Variants in SH3PXD2A observed in about 807,000 individuals in gnomAD.
The protein encoded by SH3PXD2A is SH3 and PX domains 2A, also known as SH3 and PX domain-containing protein 2A.
A neutral mutation model predicts 115.2 loss-of-function variants in SH3PXD2A; 32 were observed. That is an observed-to-expected ratio of 0.28 (90% confidence interval 0.21 to 0.37). The LOEUF is 0.37. Ranked by LOEUF, SH3PXD2A falls within the 10% of genes least tolerant of loss-of-function variation. The pLI is 1.00. For synonymous variants in SH3PXD2A, 610 were observed against 629.1 expected, an observed-to-expected ratio of 0.97 and a Z score of 0.45; for missense variants, 1,328 against 1,498.7, an observed-to-expected ratio of 0.89 and a Z score of 1.88.
At chr10:103,758,421 T>C (rs10466138) in intron 3 of SH3PXD2A, among the ~76,000 whole-genome samples, 59,904 of 151,980 alleles carry the variant, frequency 0.39, 11,791 homozygotes, top group Middle Eastern at 0.45. Flanking sequence ...CCACATGACC[T>C]GGTTATTTTT....
intron 5 of SH3PXD2A, among the ~76,000 whole-genome samples, chr10:103,712,560 G>C (rs2038058840): frequency 6.6e-6 from 1 of 152,226 alleles, no homozygotes; most frequent in Non-Finnish European, 1.5e-5. Flanking sequence ...GAGGCTGGGG[G>C]AAGGGTCTCA....
chr10:103,752,641 C>A (rs749389024), intron 3 of SH3PXD2A, among the ~76,000 whole-genome samples: 1 of 152,162 alleles, frequency 6.6e-6, no homozygotes, highest in African/African-American at 2.4e-5. Flanking sequence ...TAAAACCCTG[C>A]GACTTTTCCT....
intron 8 of SH3PXD2A, among the ~76,000 whole-genome samples, chr10:103,650,933 C>G (rs1250526328): frequency 2.0e-5 from 3 of 152,254 alleles, no homozygotes; most frequent in Non-Finnish European, 4.4e-5. Context: ...CACCCCAGTG[C>G]TGGCCATGCC....
At chr10:103,630,912 G>A (rs1297169284) in intron 8 of SH3PXD2A, among the ~76,000 whole-genome samples, 1 of 152,068 alleles carries the variant, frequency 6.6e-6, no homozygotes, top group African/African-American at 2.4e-5. Context: ...TTTACCTTAC[G>A]GTAATCCCCC....
At chr10:103,728,452 C>T (rs2038269586) in intron 4 of SH3PXD2A, among the ~76,000 whole-genome samples, 1 of 152,196 alleles carries the variant, frequency 6.6e-6, no homozygotes, top group Non-Finnish European at 1.5e-5. Flanking sequence ...TCCAGTTCTG[C>T]AGTTATATAC....
At position 103,719,978 on chromosome 10, in the gene SH3PXD2A, C is replaced by A. The variant is rs193007726; in HGVS notation, c.398+4292G>T. Among the ~76,000 whole-genome samples the A allele has an allele frequency of 3.2e-3, 492 of 152,294 alleles. 1 individual carries two copies. Among genetic ancestry groups the A allele is most frequent in the Middle Eastern group, 0.014 (4 of 294 alleles). On this transcript the variant is annotated intron_variant, in intron 5 of 14. Coordinates refer to ENST00000369774, the MANE Select transcript of SH3PXD2A (RefSeq NM_001394015.1). ...CAGGTGATCCACCCGCCTTGGGCTCCCAAAGTGCTGGGATTACAGGCGTGA... is the reference window on the plus strand; with the variant it reads ...CAGGTGATCCACCCGCCTTGGGCTCACAAAGTGCTGGGATTACAGGCGTGA...
Position 103,594,137 on chromosome 10 carries a change from AC to A in SH3PXD2A, c.*7678del, listed in dbSNP as rs1173901366. 1 of 152,666 alleles carries A rather than the reference AC, an allele frequency of 6.6e-6. No homozygotes were observed. The highest frequency in any genetic ancestry group is 1.5e-5 in the Non-Finnish European group (1 of 68,062). 9.5% of individuals were successfully genotyped at this position (152,666 alleles called of 1,614,324 possible). A position where few individuals can be genotyped will look rare whatever the true frequency, so the allele number is the denominator to read the frequency against. On this transcript the variant is annotated 3_prime_UTR_variant, in exon 15 of 15. Transcript: ENST00000369774. The stretch of plus-strand genomic sequence containing the variant: ...TCTTACAGTCTAGAAGCATGCCAAG[AC>A]AGAGCATTTTCTGCAGACCAAAGAG...
intron 10 of SH3PXD2A, among the ~76,000 whole-genome samples, chr10:103,619,842 G>A (rs901033589): frequency 6.6e-6 from 1 of 152,210 alleles, no homozygotes; most frequent in Non-Finnish European, 1.5e-5. Context: ...TGGATGGGAG[G>A]CTCGTCCTGC....
chr10:103,616,813 G>A (rs1008101701), intron 11 of SH3PXD2A, among the ~76,000 whole-genome samples: 3 of 152,056 alleles, frequency 2.0e-5, no homozygotes, highest in Non-Finnish European at 4.4e-5. Context: ...CAAGGCCTGC[G>A]GACGCCAGTG....
At chr10:103,815,555 C>T (rs998071443) in intron 1 of SH3PXD2A, among the ~76,000 whole-genome samples, 10 of 151,134 alleles carry the variant, frequency 6.6e-5, no homozygotes, top group Non-Finnish European at 1.5e-4. Context: ...CATGAATGAA[C>T]CTGGAGGACA....
intron 1 of SH3PXD2A, among the ~76,000 whole-genome samples, chr10:103,801,680 A>C (rs182972712): frequency 2.6e-4 from 39 of 152,308 alleles, no homozygotes; most frequent in Middle Eastern, 3.4e-3. Context: ...TCATACAATA[A>C]ACATAAAATT....
In SH3PXD2A at chr10:103,597,666, C is replaced by G. The variant is rs1372230608; in HGVS notation, c.*4150G>C. ...TTCCACAGCTAGGATTCCTTCAGCA[C>G]CCCGCTCCCTGCCTCTTGCTCTCTG... On this transcript the variant is annotated 3_prime_UTR_variant, in exon 15 of 15. Transcript: ENST00000369774. 6.6e-6 allele frequency: 1 copy of G among 152,666 alleles called. No individual in the cohort carries two copies. Among genetic ancestry groups the G allele is most frequent in the East Asian group, 1.9e-4 (1 of 5,198 alleles). 9.5% of individuals were successfully genotyped at this position (152,666 alleles called of 1,614,324 possible). A position where few individuals can be genotyped will look rare whatever the true frequency, so the allele number is the denominator to read the frequency against.
intron 5 of SH3PXD2A, among the ~76,000 whole-genome samples, chr10:103,706,129 G>A (rs2037977807): frequency 6.6e-6 from 1 of 152,232 alleles, no homozygotes; most frequent in Non-Finnish European, 1.5e-5. Flanking sequence ...CCTGGCTGGT[G>A]ACCCGCACAG....
intron 8 of SH3PXD2A, among the ~76,000 whole-genome samples, chr10:103,660,355 C>T (rs534476835): frequency 6.6e-6 from 1 of 152,314 alleles, no homozygotes; most frequent in East Asian, 1.9e-4. Flanking sequence ...ACCAGCTGCC[C>T]CGGGCAGCTG....
At chr10:103,611,201 T>C (rs1255965025) in intron 13 of SH3PXD2A, among the ~76,000 whole-genome samples, 1 of 152,232 alleles carries the variant, frequency 6.6e-6, no homozygotes, top group African/African-American at 2.4e-5. Flanking sequence ...CCACTGGGCA[T>C]TCCTGACCAG....
At position 103,746,870 on chromosome 10, in the gene SH3PXD2A, T is replaced by A. The variant is rs1293814983; in HGVS notation, c.230-11062A>T. On this transcript the variant is annotated intron_variant, in intron 3 of 14. Coordinates refer to ENST00000369774, the MANE Select transcript of SH3PXD2A (RefSeq NM_001394015.1). This position sits in a 1 kb window ranked among gnomAD's most constrained non-coding sequence, Gnocchi z 4.4. ...CCCTTTGCCCAGCCATTGCCTTGCA[T>A]CCCTCATTGGGAGGCCTTTGGTGGC... 1 of 152,478 alleles carries A rather than the reference T, an allele frequency of 6.6e-6. No individual in the cohort carries two copies. The highest frequency in any genetic ancestry group is 1.5e-5 in the Non-Finnish European group (1 of 68,210). The allele number at this position is 152,478 out of a possible 1,614,324, so 9.4% of individuals were successfully genotyped here. A position where few individuals can be genotyped will look rare whatever the true frequency, so the allele number is the denominator to read the frequency against.
intron 1 of SH3PXD2A, among the ~76,000 whole-genome samples, chr10:103,809,616 G>A (rs1307982448): frequency 1.3e-5 from 2 of 152,018 alleles, no homozygotes; most frequent in Non-Finnish European, 2.9e-5. Context: ...CTCAGTGCCT[G>A]CCTTTGTTTG....
chr10:103,805,195 C>T (rs549608519), intron 1 of SH3PXD2A, among the ~76,000 whole-genome samples: 1 of 152,322 alleles, frequency 6.6e-6, no homozygotes, highest in Non-Finnish European at 1.5e-5. Context: ...CAATCACAGG[C>T]TCACAGCCCC....
Position 103,746,736 on chromosome 10 carries a change from G to A in SH3PXD2A, c.230-10928C>T, listed in dbSNP as rs11191793. On this transcript the variant is annotated intron_variant, in intron 3 of 14. Coordinates refer to ENST00000369774, the MANE Select transcript of SH3PXD2A (RefSeq NM_001394015.1). The surrounding 1 kb of genome is among the most constrained non-coding windows in gnomAD (Gnocchi z 4.4). ...TCAGCTCCTGCCTCTCTCTCCGCCC[G>A]CCCATCTCCTGTCACTCTGCCCACG... 12,261 of 152,136 alleles carry A rather than the reference G, an allele frequency of 0.081. 1,291 individuals are homozygous for A. Among genetic ancestry groups the A allele is most frequent in the East Asian group, 0.29 (1,523 of 5,166 alleles). 9.4% of individuals were successfully genotyped at this position (152,136 alleles called of 1,614,324 possible).
Sources: gnomAD v4.1 joint callset for allele counts (sites outside exome capture counted in the v4.1 genomes callset) on GRCh38, gnomAD v4.1.1 for gene constraint, Gnocchi (gnomAD v3.1) non-coding constraint, MANE v1.5 for transcripts, NCBI Gene and HGNC (gene_info 2026-07-23, HGNC 2026-07-21) for gene names.